The following CNIH3 variants were observed in gnomAD, a reference collection of about 807,000 sequenced individuals.
CNIH3 encodes protein cornichon homolog 3.
Under a neutral mutation model 24.1 loss-of-function variants are expected in CNIH3, and 14 were observed. That is an observed-to-expected ratio of 0.58 (90% CI 0.38 to 0.91). The LOEUF is 0.91. Among genes scored for constraint, CNIH3 ranks in the 40% least tolerant of loss-of-function variants. The pLI is 0.00. For missense variants in CNIH3, 178 were observed against 196.8 expected (o/e 0.90, Z 0.57); for synonymous variants, 68 against 73.8 (o/e 0.92, Z 0.40).
chr1:224,720,490 CT>C (rs34114079), intron 3 of CNIH3, among the ~76,000 whole-genome samples: 1 of 152,016 alleles, frequency 6.6e-6, no homozygotes, highest in African/African-American at 2.4e-5. Context: ...TTAGAACCCT[CT>C]TTGTTAAGCA....
intron 2 of CNIH3, among the ~76,000 whole-genome samples, chr1:224,530,712 GC>G (rs1338187374): frequency 6.6e-6 from 1 of 151,778 alleles, no homozygotes; most frequent in Non-Finnish European, 1.5e-5. Flanking sequence ...CGGTTCTCCT[GC>G]CTCAGCCTCC....
At chr1:224,608,574 T>A (rs1274227231) in intron 3 of CNIH3, among the ~76,000 whole-genome samples, 1 of 152,280 alleles carries the variant, frequency 6.6e-6, no homozygotes, top group South Asian at 2.1e-4. Flanking sequence ...CCATACAATA[T>A]CTGGAATCTA....
chr1:224,646,108 A>C (rs1172564872), intron 1 of CNIH3, among the ~76,000 whole-genome samples: 2 of 152,132 alleles, frequency 1.3e-5, no homozygotes, highest in Non-Finnish European at 2.9e-5. Context: ...CCTCGATCTC[A>C]CGGTCTAAGA....
At chr1:224,441,815 T>C (rs934586649) in intron 1 of CNIH3, among the ~76,000 whole-genome samples, 2 of 152,144 alleles carry the variant, frequency 1.3e-5, no homozygotes, top group African/African-American at 4.8e-5. Context: ...TGCTCTTTAC[T>C]AAATAATACT....
intron 1 of CNIH3, among the ~76,000 whole-genome samples, chr1:224,483,252 A>C (rs1423359901): frequency 6.6e-6 from 1 of 152,226 alleles, no homozygotes; most frequent in African/African-American, 2.4e-5. Flanking sequence ...CAGGAGGCTG[A>C]GGCACAAGAA....
At chr1:224,634,336 T>C (rs1280556682) in intron 1 of CNIH3, among the ~76,000 whole-genome samples, 2 of 152,106 alleles carry the variant, frequency 1.3e-5, no homozygotes, top group Non-Finnish European at 2.9e-5. Flanking sequence ...TTTGGGAGGC[T>C]GAGGTGGGTG....
At chr1:224,471,676 C>T (rs1286519317) in intron 1 of CNIH3, among the ~76,000 whole-genome samples, 4 of 151,672 alleles carry the variant, frequency 2.6e-5, no homozygotes, top group South Asian at 2.1e-4. Flanking sequence ...CCGCAACCTA[C>T]GCCTCCTGGG....
intron 3 of CNIH3, among the ~76,000 whole-genome samples, chr1:224,727,480 T>C (rs1689093769): frequency 6.6e-6 from 1 of 152,190 alleles, no homozygotes. Flanking sequence ...GAATTTTGTA[T>C]CAGCCGTTAA....
chr1:224,462,787 G>A (rs1572290309), intron 1 of CNIH3, among the ~76,000 whole-genome samples: 1 of 146,432 alleles, frequency 6.8e-6, no homozygotes, highest in Non-Finnish European at 1.5e-5. Context: ...CTGCAGGCAC[G>A]CACCACCACA....
At chr1:224,571,756 G>A (rs1680829438) in intron 4 of CNIH3, among the ~76,000 whole-genome samples, 1 of 151,946 alleles carries the variant, frequency 6.6e-6, no homozygotes, top group South Asian at 2.1e-4. Flanking sequence ...CCCCAAGCAG[G>A]TCCAACAGGA....
chr1:224,505,016 CCCTCCCTCCCTCCCTCCCTT>C (rs1465452106), intron 1 of CNIH3, among the ~76,000 whole-genome samples: 21 of 98,568 alleles, frequency 2.1e-4, no homozygotes, highest in Middle Eastern at 9.6e-3. Flanking sequence ...CTCCCTCCCT[CCCTCCCTCCCTCCCTCCCTT>C]CCTTCCTTCC....
intron 3 of CNIH3, among the ~76,000 whole-genome samples, chr1:224,729,547 AATAAAT>A (rs1689212399): frequency 6.6e-6 from 1 of 151,074 alleles, no homozygotes. Context: ...ATATTATATA[AATAAAT>A]ATATTTAGTA....
chr1:224,500,568 G>A (rs1379108318), intron 1 of CNIH3, among the ~76,000 whole-genome samples: 3 of 152,084 alleles, frequency 2.0e-5, no homozygotes, highest in African/African-American at 7.2e-5. Flanking sequence ...AGCTGCTTGG[G>A]AGGCTGAGGA....
intron 1 of CNIH3, chr1:224,435,245 C>T: frequency 2.0e-6 from 2 of 978,506 alleles, no homozygotes; most frequent in Non-Finnish European, 2.4e-6. Flanking sequence ...AGGCACAGGG[C>T]TGTGGTAGGC....
chr1:224,501,537 T>A (rs1219859328), intron 1 of CNIH3, among the ~76,000 whole-genome samples: 1 of 146,316 alleles, frequency 6.8e-6, no homozygotes, highest in Non-Finnish European at 1.5e-5. Context: ...TTTTTTTTTT[T>A]AACCCCAGAG....
intron 1 of CNIH3, among the ~76,000 whole-genome samples, chr1:224,668,306 T>A (rs563891712): frequency 2.0e-5 from 3 of 152,326 alleles, no homozygotes; most frequent in Non-Finnish European, 2.9e-5. Context: ...TCAGTTTGAT[T>A]AAAATAATCC....
At chr1:224,666,054 C>T (rs1395995395) in intron 1 of CNIH3, among the ~76,000 whole-genome samples, 2 of 152,124 alleles carry the variant, frequency 1.3e-5, no homozygotes, top group East Asian at 3.9e-4. Flanking sequence ...TGAAATGTTT[C>T]CCACCCCTGT....
Position 224,617,262 on chromosome 1 carries a change from A to C in CNIH3, c.81+7A>C, listed in dbSNP as rs754605253. ...CTTCTTCGCCATCTGGCACGTGAGT[A>C]ACACGCTTTGGTCTCTCTTCTTTCG... On this transcript the variant is annotated splice_region_variant and intron_variant, in intron 1 of 5. Transcript: ENST00000272133. 38 of 1,613,508 alleles carry C rather than the reference A, an allele frequency of 2.4e-5. No individual in the cohort carries two copies. Among genetic ancestry groups the C allele is most frequent in the Non-Finnish European group, 3.1e-5 (36 of 1,179,750 alleles).
chr1:224,470,448 A>G (rs1676326098), intron 1 of CNIH3, among the ~76,000 whole-genome samples: 2 of 151,098 alleles, frequency 1.3e-5, no homozygotes. Flanking sequence ...TCAAGTACCT[A>G]GGGCTACAGG....
Sources: allele counts gnomAD v4.1 joint callset (sites outside exome capture counted in the v4.1 genomes callset), GRCh38; gene constraint gnomAD v4.1.1; transcripts MANE v1.5; gene names NCBI Gene and HGNC (gene_info 2026-07-23, HGNC 2026-07-21).